The following CDC42BPA variants were observed in gnomAD, a reference collection of about 807,000 sequenced individuals.
CDC42BPA encodes CDC42 binding protein kinase alpha, also known as serine/threonine-protein kinase MRCK alpha.
A neutral mutation model predicts 223.5 loss-of-function variants in CDC42BPA; 80 were observed. The ratio of observed to expected loss-of-function variants is 0.36; its 90% CI spans 0.30 to 0.43. CDC42BPA has a LOEUF of 0.43. Ranked by LOEUF, CDC42BPA falls within the 20% of genes least tolerant of loss-of-function variation. The pLI is 1.00. For missense variants in CDC42BPA, 1,743 were observed against 2,099.9 expected (o/e 0.83, Z 3.32); for synonymous variants, 694 against 718.6 (o/e 0.97, Z 0.55).
intron 21 of CDC42BPA, among the ~76,000 whole-genome samples, chr1:227,056,400 T>C (rs971540092): frequency 6.6e-6 from 1 of 151,838 alleles, no homozygotes; most frequent in Non-Finnish European, 1.5e-5. Flanking sequence ...TTCTTTTTTT[T>C]TTTTGAGACA....
chr1:227,164,711 C>T (rs537836230), intron 5 of CDC42BPA, among the ~76,000 whole-genome samples: 103 of 149,784 alleles, frequency 6.9e-4, no homozygotes, highest in African/African-American at 2.2e-3. Flanking sequence ...CACGCACACA[C>T]AAACGCACAC....
chr1:227,035,514 T>C lies in CDC42BPA; in HGVS notation c.3293A>G (p.Asp1098Gly), dbSNP rs1250339368. 6.2e-7 allele frequency: 1 copy of C among 1,611,696 alleles called. No individual in the cohort carries two copies. The highest frequency in any genetic ancestry group is 1.7e-5 in the Admixed American group (1 of 59,264). Residue 1098 changes from aspartate (D) to glycine (G), a missense_variant, in exon 25 of 37, where the codon GAT (aspartate) becomes GGT (glycine). Coordinates refer to ENST00000366766, the MANE Select transcript of CDC42BPA (RefSeq NM_001394014.1). ...PEQTKGPLGI[D>G]PQKGIGTAYE... ...TGCTGTTCCTATTCCTTTCTGAGGA[T>C]CTATACCCAGGGGACCTTTTGTCTG...
At chr1:227,241,578 T>C (rs1172741348) in intron 2 of CDC42BPA, among the ~76,000 whole-genome samples, 1 of 152,036 alleles carries the variant, frequency 6.6e-6, no homozygotes, top group Non-Finnish European at 1.5e-5. Flanking sequence ...CACAAAAGAG[T>C]ACATACTGTA....
intron 1 of CDC42BPA, among the ~76,000 whole-genome samples, chr1:227,309,228 A>G (rs6693345): frequency 0.99 from 147,166 of 149,132 alleles, 72,643 homozygotes; most frequent in Middle Eastern, 1. Flanking sequence ...AAAAATAAGC[A>G]AGAAAACTAA....
intron 6 of CDC42BPA, among the ~76,000 whole-genome samples, chr1:227,157,694 C>T (rs1242602489): frequency 6.6e-6 from 1 of 151,920 alleles, no homozygotes; most frequent in Non-Finnish European, 1.5e-5. Context: ...CTATATGGAT[C>T]CCTAAGCCTC....
At chr1:227,227,588 G>A (rs1677069463) in intron 2 of CDC42BPA, among the ~76,000 whole-genome samples, 1 of 152,082 alleles carries the variant, frequency 6.6e-6, no homozygotes, top group African/African-American at 2.4e-5. Flanking sequence ...AACTGGCATG[G>A]CATCAAAATT....
intron 2 of CDC42BPA, among the ~76,000 whole-genome samples, chr1:227,214,595 GGAT>G (rs1316013950): frequency 6.6e-6 from 1 of 152,144 alleles, no homozygotes; most frequent in East Asian, 1.9e-4. Flanking sequence ...GAGTGCACAT[GGAT>G]AGAGGGACAG....
At chr1:227,045,303 T>A (rs1335074021) in intron 23 of CDC42BPA, among the ~76,000 whole-genome samples, 2 of 152,240 alleles carry the variant, frequency 1.3e-5, no homozygotes, top group Non-Finnish European at 2.9e-5. Flanking sequence ...ACCTTCTAAC[T>A]ATTCTTTTCA....
chr1:227,257,720 C>G (rs1683327231), intron 1 of CDC42BPA, among the ~76,000 whole-genome samples: 1 of 150,508 alleles, frequency 6.6e-6, no homozygotes, highest in Non-Finnish European at 1.5e-5. Context: ...TGCCACTGCA[C>G]TCCAGCCTGG....
chr1:227,113,007 C>A, intron 12 of CDC42BPA, 94 bp from the exon 13 acceptor site: 2 of 1,124,756 alleles, frequency 1.8e-6, no homozygotes, highest in Non-Finnish European at 2.6e-6. Context: ...CAAGAAGAGC[C>A]AAAATTATTC....
Position 227,112,393 on chromosome 1 carries a change from A to G in CDC42BPA, c.1920T>C (p.Ala640=), listed in dbSNP as rs1230768646. The G allele has an allele frequency of 1.2e-6, 2 of 1,604,296 alleles. No individual in the cohort carries two copies. The highest frequency in any genetic ancestry group is 8.5e-7 in the Non-Finnish European group (1 of 1,175,612). Residue 640 remains alanine, a synonymous_variant, in exon 14 of 37, where the codon GCT becomes GCC. Transcript: ENST00000366766. ...ELEVHTEALA[A]EASKDRKLRE... ...GTAGCTTCCTGTCTTTAGATGCTTC[A>G]GCAGCTAGAGCTTCTGTATGAACTT... is the stretch of plus-strand genomic sequence containing the variant.
intron 35 of CDC42BPA, among the ~76,000 whole-genome samples, chr1:226,999,001 C>T (rs1193692461): frequency 1.3e-5 from 2 of 152,096 alleles, no homozygotes; most frequent in African/African-American, 4.8e-5. Context: ...ACAGACACTT[C>T]TCAAAAGAAG....
chr1:227,144,038 C>A (rs892325943), intron 8 of CDC42BPA, among the ~76,000 whole-genome samples: 1 of 152,074 alleles, frequency 6.6e-6, no homozygotes, highest in South Asian at 2.1e-4. Context: ...TTTTTATCTG[C>A]CTTGAATACA....
chr1:227,068,736 A>G, intron 21 of CDC42BPA: 1 of 838,608 alleles, frequency 1.2e-6, no homozygotes, highest in Non-Finnish European at 1.6e-6. Flanking sequence ...AAAATAGAAA[A>G]TATGGATGAA....
chr1:227,111,305 ATTAC>A (rs1468807478), intron 14 of CDC42BPA, among the ~76,000 whole-genome samples: 2 of 152,204 alleles, frequency 1.3e-5, no homozygotes, highest in Non-Finnish European at 1.5e-5. Flanking sequence ...CACTCAGACT[ATTAC>A]TTAGTATGGT....
intron 21 of CDC42BPA, among the ~76,000 whole-genome samples, chr1:227,059,198 A>T (rs1259937981): frequency 6.6e-6 from 1 of 152,092 alleles, no homozygotes; most frequent in Non-Finnish European, 1.5e-5. Context: ...CCAAAAAAAA[A>T]ACATAAACAA....
chr1:227,309,221 AAT>A (rs1161850515), intron 1 of CDC42BPA, among the ~76,000 whole-genome samples: 16 of 149,106 alleles, frequency 1.1e-4, no homozygotes, highest in Non-Finnish European at 2.0e-4. Context: ...AAAAAAAAAA[AAT>A]AAGCAAGAAA....
chr1:227,228,503 T>C (rs150179594), intron 2 of CDC42BPA, among the ~76,000 whole-genome samples: 1 of 152,360 alleles, frequency 6.6e-6, no homozygotes, highest in Non-Finnish European at 1.5e-5. Flanking sequence ...ATACAAGTTT[T>C]TGTGTGTACC....
chr1:226,997,701 G>A (rs950575858), intron 35 of CDC42BPA, among the ~76,000 whole-genome samples: 4 of 152,200 alleles, frequency 2.6e-5, no homozygotes, highest in Non-Finnish European at 4.4e-5. Context: ...CCTTCATTTC[G>A]TTATTTACCC....
Sources: gnomAD v4.1 joint callset for allele counts (sites outside exome capture counted in the v4.1 genomes callset) on GRCh38, gnomAD v4.1.1 for gene constraint, MANE v1.5 for transcripts, NCBI Gene and HGNC (gene_info 2026-07-23, HGNC 2026-07-21) for gene names.